ASTN2: variants seen among roughly 807,000 people sequenced by gnomAD.
ASTN2 encodes the protein astrotactin-2.
ASTN2 carries 54 observed loss-of-function variants against 139.8 expected under a neutral mutation model. The ratio of observed to expected loss-of-function variants is 0.39; its 90% CI spans 0.31 to 0.48. ASTN2 has a LOEUF of 0.48. Among genes scored for constraint, ASTN2 ranks in the 20% least tolerant of loss-of-function variants. The pLI is 0.95. For missense variants in ASTN2, 1,565 were observed against 1,725.1 expected, an observed-to-expected ratio of 0.91 and a Z score of 1.64; for synonymous variants, 756 against 719.5, an observed-to-expected ratio of 1.05 and a Z score of -0.81.
At position 116,642,132 on chromosome 9, in the gene ASTN2, C is replaced by CCAAAAAAAA. The variant is rs1554724602; in HGVS notation, c.3072+9395_3072+9396insTTTTTTTTG. On this transcript the variant is annotated intron_variant, in intron 17 of 22. Transcript: ENST00000313400. ...TGGGAAAATGAAGGCTCCCAACCCA[C>CCAAAAAAAA]AAAAAAAAAAAAACAAAAAAAAACA... 1.3e-3 allele frequency among the ~76,000 whole-genome samples: 64 copies of CCAAAAAAAA among 48,928 alleles called. 7 individuals are homozygous for CCAAAAAAAA. The highest frequency in any genetic ancestry group is 2.7e-3 in the African/African-American group (35 of 13,092). 32.1% of individuals were successfully genotyped at this position (48,928 alleles called of 152,430 possible). A position where few individuals can be genotyped will look rare whatever the true frequency, so the allele number is the denominator to read the frequency against.
At chr9:116,626,861 C>T (rs943728496) in intron 17 of ASTN2, among the ~76,000 whole-genome samples, 2 of 152,110 alleles carry the variant, frequency 1.3e-5, no homozygotes, top group African/African-American at 4.8e-5. Flanking sequence ...CAAAAAAAAG[C>T]AGAAATAGAG....
At chr9:116,541,817 C>T (rs533805649) in intron 19 of ASTN2, among the ~76,000 whole-genome samples, 1 of 152,244 alleles carries the variant, frequency 6.6e-6, no homozygotes, top group East Asian at 1.9e-4. Context: ...ACCAGAAGTG[C>T]TTTAATTATA....
intron 4 of ASTN2, among the ~76,000 whole-genome samples, chr9:117,131,726 T>C (rs560700834): frequency 6.6e-6 from 1 of 152,312 alleles, no homozygotes; most frequent in South Asian, 2.1e-4. Flanking sequence ...ACTCAACCAA[T>C]TGCCAATCAG....
chr9:116,875,945 A>G (rs1375254612), intron 10 of ASTN2, among the ~76,000 whole-genome samples: 1 of 152,260 alleles, frequency 6.6e-6, no homozygotes, highest in African/African-American at 2.4e-5. Flanking sequence ...GCATTCTAAC[A>G]CAGCATCCTT....
chr9:117,145,254 A>G (rs1830168872), intron 3 of ASTN2, among the ~76,000 whole-genome samples: 1 of 152,136 alleles, frequency 6.6e-6, no homozygotes, highest in Non-Finnish European at 1.5e-5. Context: ...CATTCCTTGG[A>G]AAAGGTAGAC....
intron 14 of ASTN2, among the ~76,000 whole-genome samples, chr9:116,730,847 A>T (rs528461007): frequency 6.6e-6 from 1 of 151,974 alleles, no homozygotes; most frequent in African/African-American, 2.4e-5. Flanking sequence ...CCATCTTCTC[A>T]CTCCATCCCT....
In ASTN2 at chr9:116,807,469, C is replaced by T. The variant is rs116012916; in HGVS notation, c.2208-1649G>A. On this transcript the variant is annotated intron_variant, in intron 12 of 22. Transcript: ENST00000313400. Reference sequence around the variant, plus strand: ...ACTGATGCACTGATGGTCTTTCTAACGTTCAAATGTTCCTTTCCATAGTAC... The same window carrying T: ...ACTGATGCACTGATGGTCTTTCTAATGTTCAAATGTTCCTTTCCATAGTAC... Among the ~76,000 whole-genome samples the T allele has an allele frequency of 5.1e-3, 775 of 152,316 alleles. 8 individuals are homozygous for T. Among genetic ancestry groups the T allele is most frequent in the African/African-American group, 0.017 (716 of 41,572 alleles).
intron 1 of ASTN2, among the ~76,000 whole-genome samples, chr9:117,368,060 T>G (rs1438662093): frequency 1.3e-5 from 2 of 152,150 alleles, no homozygotes; most frequent in African/African-American, 4.8e-5. Flanking sequence ...AAAAGTGAGC[T>G]TGAATAGAAG....
chr9:117,373,280 G>A lies in ASTN2; in HGVS notation c.442+41217C>T, dbSNP rs558481148. On this transcript the variant is annotated intron_variant, in intron 1 of 22. Coordinates refer to ENST00000313400, the MANE Select transcript of ASTN2 (RefSeq NM_001365068.1). ...TGTGATACCCATCTGCTTAAACTCC[G>A]TTAAGTCTTGCTTGTGTTCCACTGG... Among the ~76,000 whole-genome samples, 147 of 152,190 alleles carry A rather than the reference G, an allele frequency of 9.7e-4. 1 individual carries two copies. The highest frequency in any genetic ancestry group is 3.4e-3 in the African/African-American group (142 of 41,528).
At chr9:117,181,061 G>T in intron 3 of ASTN2, 1 of 1,407,946 alleles carries the variant, frequency 7.1e-7, no homozygotes, top group Non-Finnish European at 9.9e-7. Context: ...ACATACATCT[G>T]AAAGGCCTGT....
intron 3 of ASTN2, among the ~76,000 whole-genome samples, chr9:117,144,497 A>G (rs950006514): frequency 2.6e-5 from 4 of 151,960 alleles, no homozygotes; most frequent in Non-Finnish European, 5.9e-5. Flanking sequence ...AAACATTATG[A>G]GATTTGAATT....
rs1349948555 is a variant in ASTN2 at position 116,603,193 on chromosome 9, T to C, written c.3355+15131A>G. 2.6e-5 allele frequency among the ~76,000 whole-genome samples: 4 copies of C among 152,256 alleles called. No homozygotes were observed. In the East Asian group the frequency reaches 5.8e-4, roughly 22 times the overall value. On this transcript the variant is annotated intron_variant, in intron 19 of 22. Coordinates refer to ENST00000313400, the MANE Select transcript of ASTN2 (RefSeq NM_001365068.1). ...GCTGATACAAGCAGTGATTGAAATA[T>C]GAACCATGGACTCTACCATAGATAG...
intron 5 of ASTN2, among the ~76,000 whole-genome samples, chr9:117,056,381 T>C (rs1366335152): frequency 6.6e-6 from 1 of 152,174 alleles, no homozygotes; most frequent in Non-Finnish European, 1.5e-5. Flanking sequence ...GAGACTTCCA[T>C]TCATCTAGAA....
intron 11 of ASTN2, among the ~76,000 whole-genome samples, chr9:116,830,445 C>T (rs187886078): frequency 2.0e-4 from 31 of 152,020 alleles, no homozygotes; most frequent in East Asian, 1.9e-3. Flanking sequence ...AACAGAACTA[C>T]CATTCAATCC....
At chr9:116,952,746 T>C (rs1432262040) in intron 10 of ASTN2, among the ~76,000 whole-genome samples, 5 of 152,236 alleles carry the variant, frequency 3.3e-5, no homozygotes, top group South Asian at 2.1e-4. Flanking sequence ...GATATTGGCC[T>C]CAAGCCTCTT....
intron 15 of ASTN2, among the ~76,000 whole-genome samples, chr9:116,726,574 A>G (rs565584783): frequency 1.3e-5 from 2 of 152,322 alleles, no homozygotes; most frequent in East Asian, 3.9e-4. Flanking sequence ...TTCTGAGTCC[A>G]TGAATCTGAT....
At chr9:116,863,080 G>A (rs990447495) in intron 11 of ASTN2, among the ~76,000 whole-genome samples, 6 of 151,960 alleles carry the variant, frequency 3.9e-5, no homozygotes, top group East Asian at 3.9e-4. Flanking sequence ...GGCTGTCTCC[G>A]CTCTTTCCCT....
intron 17 of ASTN2, among the ~76,000 whole-genome samples, chr9:116,645,236 G>A (rs1437721479): frequency 2.0e-5 from 3 of 152,156 alleles, no homozygotes; most frequent in Admixed American, 1.3e-4. Flanking sequence ...ACCACACAAA[G>A]TCTTGTACAT....
chr9:116,570,256 C>T (rs1256138116), intron 19 of ASTN2, among the ~76,000 whole-genome samples: 1 of 152,146 alleles, frequency 6.6e-6, no homozygotes, highest in African/African-American at 2.4e-5. Flanking sequence ...GTTCATTCTG[C>T]CCCTTCTTTC....
Sources: allele counts gnomAD v4.1 joint callset (sites outside exome capture counted in the v4.1 genomes callset), GRCh38; gene constraint gnomAD v4.1.1; transcripts MANE v1.5; gene names NCBI Gene and HGNC (gene_info 2026-07-23, HGNC 2026-07-21).